TOGARAM2: variants seen among roughly 807,000 people sequenced by gnomAD.
TOGARAM2 encodes the protein TOG array regulator of axonemal microtubules protein 2.
Under a neutral mutation model 93.3 loss-of-function variants are expected in TOGARAM2, and 85 were observed. That is an observed-to-expected ratio of 0.91 (90% CI 0.76 to 1.09). TOGARAM2 has a LOEUF of 1.09. Ranked by LOEUF, TOGARAM2 falls within the 50% of genes least tolerant of loss-of-function variation. The probability of loss-of-function intolerance (pLI) is 0.00; values close to 1 mark genes in which losing one functional copy is unlikely to be tolerated. For missense variants in TOGARAM2, 1,277 were observed against 1,334.5 expected (o/e 0.96, Z 0.67); for synonymous variants, 593 against 552.8 (o/e 1.07, Z -1.02).
At chr2:28,976,096 T>C (rs1156311730) in intron 1 of TOGARAM2, among the ~76,000 whole-genome samples, 3 of 152,076 alleles carry the variant, frequency 2.0e-5, no homozygotes, top group African/African-American at 4.8e-5. Context: ...CTGGGCCAGG[T>C]GTGGCGGCTC....
chr2:28,987,863 G>A (rs1407840477), intron 1 of TOGARAM2, among the ~76,000 whole-genome samples: 1 of 152,340 alleles, frequency 6.6e-6, no homozygotes, highest in African/African-American at 2.4e-5. Flanking sequence ...CTTTCTGCTG[G>A]CCCCCACATG....
At chr2:28,966,537 C>T (rs1381635164) in intron 1 of TOGARAM2, among the ~76,000 whole-genome samples, 1 of 151,910 alleles carries the variant, frequency 6.6e-6, no homozygotes, top group African/African-American at 2.4e-5. Context: ...ACTTCATGAT[C>T]TGCCCACCTC....
At chr2:29,036,882 G>T in intron 18 of TOGARAM2, 125 bp downstream of exon 18, 2 of 946,294 alleles carry the variant, frequency 2.1e-6, no homozygotes, top group Admixed American at 4.4e-5. Context: ...GGCTGTGTAG[G>T]GCAGAGGTGG....
intron 14 of TOGARAM2, among the ~76,000 whole-genome samples, chr2:29,028,686 G>A (rs1665560768): frequency 1.3e-5 from 2 of 152,178 alleles, no homozygotes; most frequent in Admixed American, 1.3e-4. Context: ...AGGAGGAACA[G>A]CAGATGATGG....
chr2:28,985,362 T>G (rs1672421057), intron 1 of TOGARAM2, among the ~76,000 whole-genome samples: 1 of 152,150 alleles, frequency 6.6e-6, no homozygotes, highest in African/African-American at 2.4e-5. Flanking sequence ...TTCATTTTTT[T>G]GTTTTGTTTT....
At chr2:28,993,507 G>C (rs1672839727) in intron 1 of TOGARAM2, among the ~76,000 whole-genome samples, 1 of 152,212 alleles carries the variant, frequency 6.6e-6, no homozygotes, top group African/African-American at 2.4e-5. Flanking sequence ...CCTTGTCTAG[G>C]AGAGGTGCTG....
intron 1 of TOGARAM2, among the ~76,000 whole-genome samples, chr2:28,963,270 GATTA>G (rs1371718259): frequency 3.3e-5 from 5 of 152,248 alleles, no homozygotes; most frequent in South Asian, 2.1e-4. Context: ...TGATATTTCT[GATTA>G]ATTTTGTTCT....
At chr2:29,001,351 T>A (rs1188884827) in intron 4 of TOGARAM2, among the ~76,000 whole-genome samples, 1 of 151,510 alleles carries the variant, frequency 6.6e-6, no homozygotes, top group East Asian at 1.9e-4. Context: ...TTTTTTAATT[T>A]TTTTTTTCTG....
intron 8 of TOGARAM2, 109 bp from the exon 9 acceptor site, chr2:29,017,045 G>C (rs546623247): frequency 7.2e-5 from 100 of 1,398,560 alleles, no homozygotes; most frequent in Non-Finnish European, 9.5e-5. Flanking sequence ...TGTCTTTTTT[G>C]TTCACTTCCA....
At chr2:28,978,379 G>C (rs1253233380), upstream of TOGARAM2, among the ~76,000 whole-genome samples, 1 of 152,166 alleles carries the variant, frequency 6.6e-6, no homozygotes, top group Non-Finnish European at 1.5e-5. Context: ...GTGTTCAGGA[G>C]ACTATTTGGA....
At chr2:29,044,931 A>G (rs72859172) in intron 18 of TOGARAM2, among the ~76,000 whole-genome samples, 2,713 of 151,820 alleles carry the variant, frequency 0.018, 75 homozygotes, top group African/African-American at 0.056. Flanking sequence ...TCTATTATCT[A>G]TCTTCTATCT....
intron 1 of TOGARAM2, among the ~76,000 whole-genome samples, chr2:28,990,864 A>G (rs1180925467): frequency 2.6e-5 from 4 of 151,914 alleles, no homozygotes; most frequent in African/African-American, 9.7e-5. Flanking sequence ...CTATAGACAT[A>G]TCTGTCTCCT....
chr2:29,017,272 G>A lies in TOGARAM2; in HGVS notation c.1163G>A (p.Cys388Tyr), dbSNP rs757946364. 6.2e-7 allele frequency: 1 copy of A among 1,612,362 alleles called. No individual in the cohort carries two copies. ...ACAGGGCAGGAGCTCACTTCCCAGT[G>A]CCTGGGCTCCCAGAGAGCCTTCATG... ...PRTGQELTSQCLGSQRAFMKE... is the reference protein window; with the variant it reads ...PRTGQELTSQYLGSQRAFMKE... The change falls in exon 9 of 20, where the codon TGC (cysteine) becomes TAC (tyrosine). Residue 388 changes from cysteine (C) to tyrosine (Y), a missense_variant. By Grantham distance (194) the Cys-to-Tyr change is radical. Coordinates refer to ENST00000379558, the MANE Select transcript of TOGARAM2 (RefSeq NM_199280.4).
Position 29,023,082 on chromosome 2 carries a change from T to A in TOGARAM2, c.1512-4T>A. On this transcript the variant is annotated splice_region_variant and splice_polypyrimidine_tract_variant and intron_variant, in intron 11 of 19. Transcript: ENST00000379558. ...CTGCAACAGGGCCTGGCCTTGCTTCTCAGGCAGATGAAGGAGAAGGGTCTG... is the reference window on the plus strand; with the variant it reads ...CTGCAACAGGGCCTGGCCTTGCTTCACAGGCAGATGAAGGAGAAGGGTCTG... 1 of 1,584,994 alleles carries A rather than the reference T, an allele frequency of 6.3e-7. No individual in the cohort carries two copies. Among genetic ancestry groups the A allele is most frequent in the Non-Finnish European group, 8.6e-7 (1 of 1,165,088 alleles).
At chr2:29,005,412 C>CGTGTGT (rs149236438) in intron 6 of TOGARAM2, among the ~76,000 whole-genome samples, 1 of 140,724 alleles carries the variant, frequency 7.1e-6, no homozygotes, top group Non-Finnish European at 1.5e-5. Flanking sequence ...TGTGTGTGTG[C>CGTGTGT]GTGTGTGAGA....
At position 29,035,446 on chromosome 2, in the gene TOGARAM2, G is replaced by A. The variant is rs767586708; in HGVS notation, c.2226-18G>A. Reference sequence around the variant, plus strand: ...GGGCTCTTCCCTGGGGGGTTCAGACGCCACGCTCCTTACCTAGGCTCAGCT... The same window carrying A: ...GGGCTCTTCCCTGGGGGGTTCAGACACCACGCTCCTTACCTAGGCTCAGCT... On this transcript the variant is annotated intron_variant, in intron 16 of 19. Transcript: ENST00000379558. 15 of 1,342,670 alleles carry A rather than the reference G, an allele frequency of 1.1e-5. No homozygotes were observed. The African/African-American group carries it at 1.2e-4, about 11-fold the overall frequency. The allele number at this position is 1,342,670 out of a possible 1,614,324, so 83.2% of individuals were successfully genotyped here. A position where few individuals can be genotyped will look rare whatever the true frequency, so the allele number is the denominator to read the frequency against.
chr2:29,003,678 A>T lies in TOGARAM2; in HGVS notation c.826A>T (p.Thr276Ser). The T allele has an allele frequency of 6.5e-7, 1 of 1,532,662 alleles. No homozygotes were observed. The highest frequency in any genetic ancestry group is 2.5e-5 in the East Asian group (1 of 39,366). 94.9% of individuals were successfully genotyped at this position (1,532,662 alleles called of 1,614,324 possible). A position where few individuals can be genotyped will look rare whatever the true frequency, so the allele number is the denominator to read the frequency against. ...CCTCACAGGCCTGAGGGCCCCACGCACGCGGTAAGAGCTCCAAGTCAAACC... is the reference window on the plus strand; with the variant it reads ...CCTCACAGGCCTGAGGGCCCCACGCTCGCGGTAAGAGCTCCAAGTCAAACC... ...GVLTGLRAPR[T>S]RLARGSGPRE... The change falls in exon 6 of 20, where the codon ACG becomes TCG. Residue 276 changes from threonine (T) to serine (S), a missense_variant. Physicochemically the swap from Thr to Ser is moderately conservative, Grantham distance 58. Coordinates refer to ENST00000379558, the MANE Select transcript of TOGARAM2 (RefSeq NM_199280.4).
chr2:28,973,468 T>TG (rs58657249), intron 1 of TOGARAM2, among the ~76,000 whole-genome samples: 62 of 134,964 alleles, frequency 4.6e-4, no homozygotes, highest in Admixed American at 2.1e-3. Flanking sequence ...CCTTCCTTCC[T>TG]CCCTCCCTCC....
chr2:29,037,916 A>G (rs777100489), intron 18 of TOGARAM2, among the ~76,000 whole-genome samples: 2 of 152,154 alleles, frequency 1.3e-5, no homozygotes, highest in Non-Finnish European at 2.9e-5. Context: ...TATTGGGAAA[A>G]CCTGTACCAA....
Sources: allele counts gnomAD v4.1 joint callset (sites outside exome capture counted in the v4.1 genomes callset), GRCh38; gene constraint gnomAD v4.1.1; transcripts MANE v1.5; gene names NCBI Gene and HGNC (gene_info 2026-07-23, HGNC 2026-07-21).